The following EPS8 variants were observed in gnomAD, a reference collection of about 807,000 sequenced individuals.
EPS8 encodes the protein EGFR pathway substrate 8, signaling adaptor.
EPS8 carries 42 observed loss-of-function variants against 103.8 expected under a neutral mutation model. The observed-to-expected ratio is 0.40, with a 90% CI of 0.32 to 0.52. The LOEUF (loss-of-function observed/expected upper bound fraction) is 0.52. Among genes scored for constraint, EPS8 ranks in the 20% least tolerant of loss-of-function variants. EPS8 has a pLI of 0.40. For synonymous variants in EPS8, 344 were observed against 344.6 expected (o/e 1.00, Z 0.02); for missense variants, 969 against 1,005.1 (o/e 0.96, Z 0.49).
rs924049063 is a variant in EPS8 at position 15,771,884 on chromosome 12, G to C, written c.-22+17277C>G. ...TCATGCCTGTAATCACAGCACTTTG[G>C]GAGGCCGAGGTGGGTGGATCACGAG... On this transcript the variant is annotated intron_variant, in intron 1 of 20. Coordinates refer to ENST00000281172, the MANE Select transcript of EPS8 (RefSeq NM_004447.6). The surrounding 1 kb of genome is among the most constrained non-coding windows in gnomAD (Gnocchi z 4.6). Among the ~76,000 whole-genome samples the C allele has an allele frequency of 6.6e-6, 1 of 152,064 alleles. No homozygotes were observed. Among genetic ancestry groups the C allele is most frequent in the South Asian group, 2.1e-4 (1 of 4,822 alleles).
At position 15,658,069 on chromosome 12, in the gene EPS8, A is replaced by G. The variant is rs745564079; in HGVS notation, c.1101+10T>C. ...AAGAACGATTCTTTCTTAAACTAAT[A>G]AAATCTCACCATATTTAATGGAGTA... On this transcript the variant is annotated intron_variant, in intron 12 of 20. Coordinates refer to ENST00000281172, the MANE Select transcript of EPS8 (RefSeq NM_004447.6). 4 of 1,523,646 alleles carry G rather than the reference A, an allele frequency of 2.6e-6. No homozygotes were observed. Among genetic ancestry groups the G allele is most frequent in the Non-Finnish European group, 3.6e-6 (4 of 1,098,886 alleles). The allele number at this position is 1,523,646 out of a possible 1,614,324, so 94.4% of individuals were successfully genotyped here. A position where few individuals can be genotyped will look rare whatever the true frequency, so the allele number is the denominator to read the frequency against.
At chr12:15,773,564 T>C (rs548250910) in intron 1 of EPS8, among the ~76,000 whole-genome samples, 13 of 151,670 alleles carry the variant, frequency 8.6e-5, no homozygotes, top group East Asian at 3.9e-4. Context: ...AAAAAAAGCA[T>C]TGGGGATAAG....
In EPS8 at chr12:15,706,560, T is replaced by C. The variant is rs989486565; in HGVS notation, c.-21-23588A>G. ...TACTGTTAGACATTTGGGCCAATAT[T>C]TGCTTAATATCTGCATTTCAAAAAT... On this transcript the variant is annotated intron_variant, in intron 1 of 20. Coordinates refer to ENST00000281172, the MANE Select transcript of EPS8 (RefSeq NM_004447.6). This position sits in a 1 kb window ranked among gnomAD's most constrained non-coding sequence, Gnocchi z 5.2. Among the ~76,000 whole-genome samples the C allele has an allele frequency of 6.6e-6, 1 of 152,220 alleles. No individual in the cohort carries two copies. The highest frequency in any genetic ancestry group is 1.5e-5 in the Non-Finnish European group (1 of 68,036).
rs558581427 is a variant in EPS8, at chr12:15,762,928, A to G, written c.-22+26233T>C. Among the ~76,000 whole-genome samples, 1 of 152,332 alleles carries G rather than the reference A, an allele frequency of 6.6e-6. No homozygotes were observed. The highest frequency in any genetic ancestry group is 2.1e-4 in the South Asian group (1 of 4,830). ...TACAGCTATTTTTAAAATAGCTAAA[A>G]TAGTATAATTGGATTGTTTGTAACA... is the stretch of plus-strand genomic sequence containing the variant. On this transcript the variant is annotated intron_variant, in intron 1 of 20. Coordinates refer to ENST00000281172, the MANE Select transcript of EPS8 (RefSeq NM_004447.6). The surrounding 1 kb of genome is among the most constrained non-coding windows in gnomAD (Gnocchi z 4.8).
In EPS8 at chr12:15,716,785, C is replaced by A. The variant is rs571298636; in HGVS notation, c.-21-33813G>T. Among the ~76,000 whole-genome samples the A allele has an allele frequency of 2.6e-5, 4 of 152,226 alleles. No homozygotes were observed. The South Asian group carries it at 8.3e-4, about 32-fold the overall frequency. On this transcript the variant is annotated intron_variant, in intron 1 of 20. Coordinates refer to ENST00000281172, the MANE Select transcript of EPS8 (RefSeq NM_004447.6). This position sits in a 1 kb window ranked among gnomAD's most constrained non-coding sequence, Gnocchi z 5.0. ...TCACTTACATAAATTGTTAGGACAA[C>A]CAAGCAGAATCGATCAACAATGTCA... is the stretch of plus-strand genomic sequence containing the variant.
At chr12:15,739,552 G>A (rs1248662960) in intron 1 of EPS8, among the ~76,000 whole-genome samples, 1 of 152,050 alleles carries the variant, frequency 6.6e-6, no homozygotes, top group Non-Finnish European at 1.5e-5. Context: ...CCATAGTCAG[G>A]ACACCCTTCT....
chr12:15,722,947 G>C (rs1255347225), intron 1 of EPS8, among the ~76,000 whole-genome samples: 1 of 150,836 alleles, frequency 6.6e-6, no homozygotes. Flanking sequence ...CCAGCTACCA[G>C]TAGATTTTTT....
At chr12:15,627,762 G>A (rs1424627679) in intron 18 of EPS8, among the ~76,000 whole-genome samples, 3 of 152,164 alleles carry the variant, frequency 2.0e-5, no homozygotes, top group Non-Finnish European at 4.4e-5. Context: ...AGGCATAAAA[G>A]TACAGGAAGG....
chr12:15,740,253 G>A lies in EPS8; in HGVS notation c.-22+48908C>T, dbSNP rs948792541. ...AGCATACACACTAAGTTCACTAAATGGGAAATTCGTAGGCTGGGAGCGGTG... is the reference window on the plus strand; with the variant it reads ...AGCATACACACTAAGTTCACTAAATAGGAAATTCGTAGGCTGGGAGCGGTG... On this transcript the variant is annotated intron_variant, in intron 1 of 20. Coordinates refer to ENST00000281172, the MANE Select transcript of EPS8 (RefSeq NM_004447.6). 3.3e-5 allele frequency among the ~76,000 whole-genome samples: 5 copies of A among 152,078 alleles called. No individual in the cohort carries two copies. In the East Asian group the frequency reaches 9.7e-4, roughly 29 times the overall value.
At chr12:15,668,071 C>A (rs1327708641) in intron 6 of EPS8, among the ~76,000 whole-genome samples, 4 of 152,122 alleles carry the variant, frequency 2.6e-5, no homozygotes, top group Non-Finnish European at 5.9e-5. Flanking sequence ...TTAAATTTCA[C>A]TATATTTTTA....
rs530076624 is a variant in EPS8 at position 15,764,248 on chromosome 12, C to T, written c.-22+24913G>A. Among the ~76,000 whole-genome samples the T allele has an allele frequency of 2.6e-5, 4 of 152,240 alleles. No individual in the cohort carries two copies. In the East Asian group the frequency reaches 7.7e-4, roughly 29 times the overall value. ...CAAGAACAGCACCACGGGAAAGACC[C>T]ACCCCCATGATTCAGTTACCTCCCA... is the stretch of plus-strand genomic sequence containing the variant. On this transcript the variant is annotated intron_variant, in intron 1 of 20. Coordinates refer to ENST00000281172, the MANE Select transcript of EPS8 (RefSeq NM_004447.6). This position sits in a 1 kb window ranked among gnomAD's most constrained non-coding sequence, Gnocchi z 4.1.
At chr12:15,628,936 A>C (rs1944995920) in intron 18 of EPS8, among the ~76,000 whole-genome samples, 1 of 152,264 alleles carries the variant, frequency 6.6e-6, no homozygotes, top group African/African-American at 2.4e-5. Context: ...ATTCAGAGAA[A>C]AACTGTTCTG....
intron 19 of EPS8, 151 bp downstream of exon 19, chr12:15,624,076 G>A (rs1944903969): frequency 1.8e-6 from 1 of 549,322 alleles, no homozygotes; most frequent in African/African-American, 2.0e-5. Flanking sequence ...TTTCAGCTAT[G>A]AACAGCTATA....
At chr12:15,743,033 C>T (rs1423394845) in intron 1 of EPS8, among the ~76,000 whole-genome samples, 5 of 152,220 alleles carry the variant, frequency 3.3e-5, no homozygotes, top group Non-Finnish European at 5.9e-5. Context: ...AGCCCAAAAT[C>T]TCCTTAAGCT....
chr12:15,663,932 A>AC lies in EPS8; in HGVS notation c.736+1823_736+1824insG, dbSNP rs1457573053. 1.1e-3 allele frequency among the ~76,000 whole-genome samples: 5 copies of AC among 4,644 alleles called. 1 individual carries two copies. The South Asian group carries it at 0.11, about 101-fold the overall frequency. The allele number at this position is 4,644 out of a possible 152,430, so 3.0% of individuals were successfully genotyped here. A position where few individuals can be genotyped will look rare whatever the true frequency, so the allele number is the denominator to read the frequency against. On this transcript the variant is annotated intron_variant, in intron 8 of 20. Coordinates refer to ENST00000281172, the MANE Select transcript of EPS8 (RefSeq NM_004447.6). Reference sequence around the variant, plus strand: ...CAACACTCCATCTCAAAAAAAAAAAAAAAAAAAAAAAAAATAATATATATA... The same window carrying AC: ...CAACACTCCATCTCAAAAAAAAAAAACAAAAAAAAAAAAAATAATATATATA...
rs1946765387 is a variant in EPS8, at chr12:15,736,201, A to T, written c.-22+52960T>A. Among the ~76,000 whole-genome samples the T allele has an allele frequency of 1.3e-5, 2 of 152,168 alleles. No homozygotes were observed. The highest frequency in any genetic ancestry group is 2.9e-5 in the Non-Finnish European group (2 of 68,024). Reference sequence around the variant, plus strand: ...TGTGCCGGGCCGAGTTTGTGTTTTAAACCAAAAACTATCCTAGTATCATGT... The same window carrying T: ...TGTGCCGGGCCGAGTTTGTGTTTTATACCAAAAACTATCCTAGTATCATGT... On this transcript the variant is annotated intron_variant, in intron 1 of 20. Coordinates refer to ENST00000281172, the MANE Select transcript of EPS8 (RefSeq NM_004447.6). The surrounding 1 kb of genome is among the most constrained non-coding windows in gnomAD (Gnocchi z 4.2).
intron 14 of EPS8, among the ~76,000 whole-genome samples, chr12:15,649,306 C>T (rs1440829375): frequency 6.6e-6 from 1 of 152,152 alleles, no homozygotes; most frequent in Non-Finnish European, 1.5e-5. Context: ...ATTTCTGAGG[C>T]ATACATTATA....
intron 3 of EPS8, among the ~76,000 whole-genome samples, chr12:15,680,919 CA>C (rs1245210871): frequency 6.6e-6 from 1 of 151,992 alleles, no homozygotes; most frequent in African/African-American, 2.4e-5. Context: ...AGATCAGTCA[CA>C]AAGATCAACA....
Position 15,688,919 on chromosome 12 carries a change from A to T in EPS8, c.-21-5947T>A, listed in dbSNP as rs1475625297. 6.6e-6 allele frequency among the ~76,000 whole-genome samples: 1 copy of T among 152,188 alleles called. No individual in the cohort carries two copies. Among genetic ancestry groups the T allele is most frequent in the Non-Finnish European group, 1.5e-5 (1 of 68,028 alleles). On this transcript the variant is annotated intron_variant, in intron 1 of 20. Transcript: ENST00000281172. This position sits in a 1 kb window ranked among gnomAD's most constrained non-coding sequence, Gnocchi z 5.1. ...ACTCGCCCACGGGGGCTTCATCTGT[A>T]AACATTCACTCCTAGACACTGCTGT... is the stretch of plus-strand genomic sequence containing the variant.
Sources: allele counts gnomAD v4.1 joint callset (sites outside exome capture counted in the v4.1 genomes callset), GRCh38; gene constraint gnomAD v4.1.1; non-coding constraint Gnocchi (gnomAD v3.1); transcripts MANE v1.5; gene names NCBI Gene and HGNC (gene_info 2026-07-23, HGNC 2026-07-21).